The following WDFY2 variants were observed in gnomAD, a reference collection of about 807,000 sequenced individuals.
WDFY2 encodes the protein WD repeat and FYVE domain containing 2, also known as WD repeat and FYVE domain-containing protein 2.
Under a neutral mutation model 56.4 loss-of-function variants are expected in WDFY2, and 36 were observed. That is an observed-to-expected ratio of 0.64 (90% CI 0.49 to 0.84). The LOEUF is 0.84. Among genes scored for constraint, WDFY2 ranks in the 40% least tolerant of loss-of-function variants. The probability of loss-of-function intolerance (pLI) is 0.00; values close to 1 mark genes in which losing one functional copy is unlikely to be tolerated. For synonymous variants in WDFY2, 176 were observed against 183.7 expected (o/e 0.96, Z 0.34); for missense variants, 444 against 512.2 (o/e 0.87, Z 1.29).
chr13:51,593,230 A>T (rs1297745508), intron 1 of WDFY2, among the ~76,000 whole-genome samples: 2 of 152,154 alleles, frequency 1.3e-5, no homozygotes, highest in Non-Finnish European at 2.9e-5. Context: ...ATTATACTGT[A>T]TATACTTGGC....
At chr13:51,668,121 C>T (rs1955745673) in intron 2 of WDFY2, among the ~76,000 whole-genome samples, 1 of 152,004 alleles carries the variant, frequency 6.6e-6, no homozygotes, top group Admixed American at 6.6e-5. Context: ...CTTCGTGATG[C>T]ACCTGCCTCG....
intron 1 of WDFY2, among the ~76,000 whole-genome samples, chr13:51,646,413 G>A (rs1183874759): frequency 6.6e-6 from 1 of 152,202 alleles, no homozygotes; most frequent in Admixed American, 6.5e-5. Flanking sequence ...CTGAGCCCGG[G>A]CTCTGTAGTC....
At chr13:51,738,963 A>G in intron 6 of WDFY2, 86 bp from the exon 7 acceptor site, 1 of 1,350,412 alleles carries the variant, frequency 7.4e-7, no homozygotes, top group Non-Finnish European at 9.7e-7. Flanking sequence ...GAACTGCACT[A>G]GGTTCTGTCT....
intron 3 of WDFY2, among the ~76,000 whole-genome samples, chr13:51,687,715 T>A (rs1412678099): frequency 6.6e-6 from 1 of 152,104 alleles, no homozygotes; most frequent in Non-Finnish European, 1.5e-5. Context: ...TGGGGAGACA[T>A]GTTAGGAAAA....
intron 1 of WDFY2, 52 bp from the exon 2 acceptor site, chr13:51,660,544 T>G: frequency 6.4e-7 from 1 of 1,562,750 alleles, no homozygotes; most frequent in Non-Finnish European, 8.8e-7. Flanking sequence ...ATCAGCATTT[T>G]CCCATGGCTA....
rs551440184 is a variant in WDFY2, at chr13:51,584,675, G to A, written c.-13G>A. The A allele has an allele frequency of 6.2e-7, 1 of 1,606,794 alleles. No homozygotes were observed. Among genetic ancestry groups the A allele is most frequent in the East Asian group, 2.2e-5 (1 of 44,702 alleles). ...CGGTTGGCGGCGGCGCCCCAGGCGC[G>A]CCCCCTCCTCCGATGGCGGCGGAGA... On this transcript the variant is annotated 5_prime_UTR_variant, in exon 1 of 12. Coordinates refer to ENST00000298125, the MANE Select transcript of WDFY2 (RefSeq NM_052950.4).
chr13:51,688,594 G>C (rs1019701671), intron 3 of WDFY2, among the ~76,000 whole-genome samples: 1 of 152,024 alleles, frequency 6.6e-6, no homozygotes, highest in Non-Finnish European at 1.5e-5. Flanking sequence ...CATTGTGCTA[G>C]GTAATCTCTA....
intron 6 of WDFY2, among the ~76,000 whole-genome samples, chr13:51,733,362 A>G (rs1952766335): frequency 6.6e-6 from 1 of 152,186 alleles, no homozygotes; most frequent in South Asian, 2.1e-4. Context: ...ATAGCACCTT[A>G]AGGAGAAAAA....
chr13:51,751,882 A>G (rs529559359), intron 8 of WDFY2, among the ~76,000 whole-genome samples: 4 of 152,360 alleles, frequency 2.6e-5, no homozygotes, highest in South Asian at 4.1e-4. Context: ...CCAGATATCA[A>G]TATATCCTTA....
intron 1 of WDFY2, among the ~76,000 whole-genome samples, chr13:51,585,603 G>T (rs541859193): frequency 6.6e-6 from 1 of 152,314 alleles, no homozygotes; most frequent in East Asian, 1.9e-4. Context: ...CCTTGAATAT[G>T]CAGGAATAAA....
chr13:51,691,805 G>C (rs941916697), intron 3 of WDFY2, among the ~76,000 whole-genome samples: 33 of 152,042 alleles, frequency 2.2e-4, no homozygotes, highest in African/African-American at 8.0e-4. Flanking sequence ...CCATTATCAC[G>C]ATATTGATTC....
At chr13:51,605,299 A>G (rs1252492954) in intron 1 of WDFY2, among the ~76,000 whole-genome samples, 1 of 152,236 alleles carries the variant, frequency 6.6e-6, no homozygotes, top group Non-Finnish European at 1.5e-5. Context: ...CTGTAACTAG[A>G]TATGCAGCAG....
chr13:51,647,584 C>T (rs929997720), intron 1 of WDFY2, among the ~76,000 whole-genome samples: 2 of 151,938 alleles, frequency 1.3e-5, no homozygotes, highest in Non-Finnish European at 1.5e-5. Context: ...GTGAGACCTC[C>T]GTCTCTATAA....
intron 3 of WDFY2, among the ~76,000 whole-genome samples, chr13:51,682,759 T>C (rs1294313899): frequency 6.6e-6 from 1 of 152,184 alleles, no homozygotes; most frequent in African/African-American, 2.4e-5. Context: ...TATTAACTCC[T>C]GTCAGTGTCA....
rs548494982 is a variant in WDFY2, at chr13:51,718,871, G to A, written c.335-327G>A. On this transcript the variant is annotated intron_variant, in intron 4 of 11. Transcript: ENST00000298125. ...CTCTCTCCAGTCCAGCAGCCCTAGC[G>A]TGTCTGAGGGAGGTGGCCCAGGCCC... 9.8e-5 allele frequency among the ~76,000 whole-genome samples: 15 copies of A among 152,346 alleles called. No homozygotes were observed. The East Asian group carries it at 1.5e-3, about 16-fold the overall frequency.
At chr13:51,677,038 T>A (rs1021761315) in intron 3 of WDFY2, among the ~76,000 whole-genome samples, 11 of 152,350 alleles carry the variant, frequency 7.2e-5, no homozygotes, top group South Asian at 4.1e-4. Context: ...CTGATAAATT[T>A]GGCTTTGAAG....
At chr13:51,662,078 C>A (rs1955625270) in intron 2 of WDFY2, among the ~76,000 whole-genome samples, 1 of 152,096 alleles carries the variant, frequency 6.6e-6, no homozygotes, top group Admixed American at 6.5e-5. Flanking sequence ...TCAAGCGATT[C>A]TCCTCCCTCA....
In WDFY2 at chr13:51,660,491, C is replaced by G. The variant is rs1955591809; in HGVS notation, c.138-105C>G. The stretch of plus-strand genomic sequence containing the variant: ...CTGGGACAGGCTTGAGCCACCGCGC[C>G]TGGCCTCTCTATATATAATATTAAG... On this transcript the variant is annotated intron_variant, in intron 1 of 11. Coordinates refer to ENST00000298125, the MANE Select transcript of WDFY2 (RefSeq NM_052950.4). The G allele has an allele frequency of 4.6e-6, 5 of 1,089,938 alleles. No individual in the cohort carries two copies. In the Admixed American group the frequency reaches 9.8e-5, roughly 21 times the overall value. 67.5% of individuals were successfully genotyped at this position (1,089,938 alleles called of 1,614,324 possible). A position where few individuals can be genotyped will look rare whatever the true frequency, so the allele number is the denominator to read the frequency against.
Position 51,758,257 on chromosome 13 carries a change from C to T in WDFY2, c.1130C>T (p.Thr377Ile). Residue 377 changes from threonine (T) to isoleucine (I), a missense_variant, in exon 11 of 12, where the codon ACC (threonine) becomes ATC (isoleucine). By Grantham distance (89) the Thr-to-Ile change is moderately conservative (BLOSUM62 -1). Coordinates refer to ENST00000298125, the MANE Select transcript of WDFY2 (RefSeq NM_052950.4). The stretch of plus-strand genomic sequence containing the variant: ...ATTGTGCATGTGCATTTCGATGCAA[C>T]CAGAGGATGGTTACTGACTTCTGGA... ...HNIVHVHFDA[T>I]RGWLLTSGTD... is the part of the protein sequence containing the mutation. 1 of 1,601,696 alleles carries T rather than the reference C, an allele frequency of 6.2e-7. No homozygotes were observed. The highest frequency in any genetic ancestry group is 8.5e-7 in the Non-Finnish European group (1 of 1,170,376).
Sources: allele counts gnomAD v4.1 joint callset (sites outside exome capture counted in the v4.1 genomes callset), GRCh38; gene constraint gnomAD v4.1.1; transcripts MANE v1.5; gene names NCBI Gene and HGNC (gene_info 2026-07-23, HGNC 2026-07-21).